SPAG9: variants seen among roughly 807,000 people sequenced by gnomAD.
SPAG9 encodes sperm associated antigen 9, also known as C-Jun-amino-terminal kinase-interacting protein 4.
Under a neutral mutation model 166.5 loss-of-function variants are expected in SPAG9, and 35 were observed. The ratio of observed to expected loss-of-function variants is 0.21; its 90% CI spans 0.16 to 0.28. SPAG9 has a LOEUF of 0.28. Ranked by LOEUF, SPAG9 falls within the 10% of genes least tolerant of loss-of-function variation. SPAG9 has a pLI of 1.00. For synonymous variants in SPAG9, 534 were observed against 565.5 expected, an observed-to-expected ratio of 0.94 and a Z score of 0.79; for missense variants, 1,235 against 1,603.3, an observed-to-expected ratio of 0.77 and a Z score of 3.92.
At chr17:50,983,388 C>T (rs1450107146) in intron 24 of SPAG9, among the ~76,000 whole-genome samples, 2 of 152,234 alleles carry the variant, frequency 1.3e-5, no homozygotes, top group Non-Finnish European at 2.9e-5. Flanking sequence ...TTGGCATGTG[C>T]TCTGTACCTA....
intron 1 of SPAG9, among the ~76,000 whole-genome samples, chr17:51,099,099 CAAAA>C (rs35291018): frequency 4.4e-5 from 2 of 45,972 alleles, no homozygotes; most frequent in Admixed American, 2.3e-4. Flanking sequence ...GACTCCGTCT[CAAAA>C]AAAAAAAAAA....
chr17:50,996,919 A>G (rs1245064408), intron 15 of SPAG9, among the ~76,000 whole-genome samples: 2 of 152,192 alleles, frequency 1.3e-5, no homozygotes, highest in Admixed American at 1.3e-4. Context: ...GAGGGCAGAT[A>G]GCCTGAGGTC....
At chr17:51,049,707 G>A (rs1014429365) in intron 3 of SPAG9, among the ~76,000 whole-genome samples, 7 of 151,998 alleles carry the variant, frequency 4.6e-5, no homozygotes, top group African/African-American at 1.7e-4. Context: ...CCACATTCAA[G>A]CGATTCTGCC....
intron 5 of SPAG9, among the ~76,000 whole-genome samples, chr17:51,032,998 G>C (rs1336733843): frequency 2.7e-5 from 4 of 150,916 alleles, no homozygotes; most frequent in Admixed American, 2.6e-4. Context: ...GTAGGAATCA[G>C]ACTGCCTCTT....
At chr17:51,014,385 C>A in intron 8 of SPAG9, 32 bp from the exon 9 acceptor site, 1 of 1,581,030 alleles carries the variant, frequency 6.3e-7, no homozygotes, top group East Asian at 2.3e-5. Flanking sequence ...ACCAAATCAA[C>A]AAATGACAAA....
At chr17:51,026,226 T>C (rs190129051) in intron 6 of SPAG9, among the ~76,000 whole-genome samples, 43 of 150,978 alleles carry the variant, frequency 2.8e-4, no homozygotes, top group African/African-American at 9.2e-4. Flanking sequence ...ACATATGAAG[T>C]GTGGCAAAGG....
At chr17:51,048,981 T>C (rs754429298) in intron 3 of SPAG9, among the ~76,000 whole-genome samples, 1 of 152,226 alleles carries the variant, frequency 6.6e-6, no homozygotes, top group Admixed American at 6.5e-5. Flanking sequence ...TGAGCTTCCT[T>C]GTGTCAGGAA....
intron 6 of SPAG9, among the ~76,000 whole-genome samples, chr17:51,028,397 C>A (rs1456005651): frequency 6.6e-6 from 1 of 152,164 alleles, no homozygotes; most frequent in Admixed American, 6.5e-5. Context: ...TGCAGTCCTG[C>A]AAACTCCATC....
intron 1 of SPAG9, among the ~76,000 whole-genome samples, chr17:51,114,666 T>C (rs376007856): frequency 1.3e-5 from 2 of 150,388 alleles, no homozygotes; most frequent in South Asian, 2.1e-4. Flanking sequence ...AAATATCAAG[T>C]GTGGGCCAAG....
chr17:50,988,519 C>CT (rs1202485611), intron 21 of SPAG9, among the ~76,000 whole-genome samples: 1 of 152,120 alleles, frequency 6.6e-6, no homozygotes, highest in Non-Finnish European at 1.5e-5. Context: ...TTAACCAACC[C>CT]TTTAACGGAG....
chr17:51,062,241 T>C (rs2047537965), intron 2 of SPAG9, among the ~76,000 whole-genome samples: 1 of 152,168 alleles, frequency 6.6e-6, no homozygotes, highest in South Asian at 2.1e-4. Flanking sequence ...ATCAGAGTGG[T>C]ATACCTTTTA....
chr17:51,073,254 G>A (rs2047874772), intron 2 of SPAG9, among the ~76,000 whole-genome samples: 2 of 152,024 alleles, frequency 1.3e-5, no homozygotes, highest in Admixed American at 6.6e-5. Flanking sequence ...CGTGAACCCA[G>A]GAGGCGGAGC....
At chr17:50,996,328 C>G in intron 16 of SPAG9, 1 of 485,070 alleles carries the variant, frequency 2.1e-6, no homozygotes, top group Non-Finnish European at 3.7e-6. Flanking sequence ...AAACTCCATG[C>G]ACTTAGCCAC....
chr17:51,043,622 A>C (rs1422321302), intron 4 of SPAG9, among the ~76,000 whole-genome samples: 2 of 152,174 alleles, frequency 1.3e-5, no homozygotes, highest in Non-Finnish European at 2.9e-5. Flanking sequence ...GTGAACCGAA[A>C]ATCCAAGGGG....
intron 1 of SPAG9, among the ~76,000 whole-genome samples, chr17:51,108,084 GAA>G (rs775993771): frequency 5.8e-5 from 7 of 121,258 alleles, no homozygotes; most frequent in African/African-American, 1.5e-4. Context: ...CATGATTTAA[GAA>G]AAAAAAAAAA....
chr17:50,975,736 G>A, intron 27 of SPAG9: 1 of 658,022 alleles, frequency 1.5e-6, no homozygotes. Flanking sequence ...GACACCTGCT[G>A]CGATGCAGTG....
intron 29 of SPAG9, among the ~76,000 whole-genome samples, 162 bp from the exon 30 acceptor site, chr17:50,966,549 C>T (rs544817800): frequency 5.9e-5 from 9 of 152,238 alleles, no homozygotes; most frequent in African/African-American, 2.2e-4. Flanking sequence ...AGTCAGAATC[C>T]TCACCCATAT....
At chr17:51,002,803 C>G (rs573006405) in intron 12 of SPAG9, among the ~76,000 whole-genome samples, 26 of 151,962 alleles carry the variant, frequency 1.7e-4, no homozygotes, top group African/African-American at 6.0e-4. Context: ...CAAAAACAAA[C>G]AGTAGGGCCA....
At chr17:51,063,945 TA>T (rs1467559760) in intron 2 of SPAG9, among the ~76,000 whole-genome samples, 2 of 152,044 alleles carry the variant, frequency 1.3e-5, no homozygotes, top group Admixed American at 6.6e-5. Flanking sequence ...AATGGAATTT[TA>T]AAAAAATAAA....
Sources: allele counts gnomAD v4.1 joint callset (sites outside exome capture counted in the v4.1 genomes callset), GRCh38; gene constraint gnomAD v4.1.1; transcripts MANE v1.5; gene names NCBI Gene and HGNC (gene_info 2026-07-23, HGNC 2026-07-21).